AVL9: variants seen among roughly 807,000 people sequenced by gnomAD.
AVL9 encodes the protein late secretory pathway protein AVL9 homolog.
AVL9 carries 49 observed loss-of-function variants against 79.2 expected under a neutral mutation model. That is an observed-to-expected ratio of 0.62 (90% confidence interval 0.49 to 0.79). The LOEUF (loss-of-function observed/expected upper bound fraction) is 0.79, where lower values mean the gene tolerates loss of function less well. Among genes scored for constraint, AVL9 ranks in the 30% least tolerant of loss-of-function variants. The probability of loss-of-function intolerance (pLI) is 0.00; values close to 1 mark genes in which losing one functional copy is unlikely to be tolerated. For synonymous variants in AVL9, 299 were observed against 280.6 expected, an observed-to-expected ratio of 1.07 and a Z score of -0.65; for missense variants, 682 against 776.8, an observed-to-expected ratio of 0.88 and a Z score of 1.45.
chr7:32,523,508 CTTTTTT>C (rs70992725), intron 1 of AVL9, among the ~76,000 whole-genome samples: 1,000 of 79,272 alleles, frequency 0.013, 8 homozygotes, highest in African/African-American at 0.048. Flanking sequence ...TATAAATTTC[CTTTTTT>C]TTTTTTTTTT....
Position 32,584,738 on chromosome 7 carries a change from T to C in AVL9, c.*831T>C, listed in dbSNP as rs554514872. On this transcript the variant is annotated 3_prime_UTR_variant, in exon 16 of 16. Coordinates refer to ENST00000318709, the MANE Select transcript of AVL9 (RefSeq NM_015060.3). ...CAGTCTTACAAGCACTTTTTTTTTA[T>C]TCCAGAGTTTGTGCCATCTGTTTCT... The C allele has an allele frequency of 7.0e-6, 1 of 143,848 alleles. No homozygotes were observed. The highest frequency in any genetic ancestry group is 2.6e-5 in the African/African-American group (1 of 38,782). The allele number at this position is 143,848 out of a possible 1,614,324, so 8.9% of individuals were successfully genotyped here. A position where few individuals can be genotyped will look rare whatever the true frequency, so the allele number is the denominator to read the frequency against.
At chr7:32,534,685 T>C (rs1050128788) in intron 1 of AVL9, 2 of 152,264 alleles carry the variant, frequency 1.3e-5, no homozygotes, top group African/African-American at 4.8e-5. Context: ...GATTTAGGCC[T>C]TTAATCCCAG....
intron 1 of AVL9, among the ~76,000 whole-genome samples, chr7:32,510,127 G>T (rs1787594017): frequency 6.6e-6 from 1 of 151,942 alleles, no homozygotes; most frequent in African/African-American, 2.4e-5. Context: ...GAGCCATCAG[G>T]TCTGGTGGTG....
intron 1 of AVL9, among the ~76,000 whole-genome samples, chr7:32,507,848 C>CT (rs1194121796): frequency 6.6e-6 from 1 of 152,198 alleles, no homozygotes; most frequent in Non-Finnish European, 1.5e-5. Flanking sequence ...AACCAATTAA[C>CT]TTTATCACTG....
intron 1 of AVL9, among the ~76,000 whole-genome samples, chr7:32,541,286 G>T (rs1789195614): frequency 6.6e-6 from 1 of 151,892 alleles, no homozygotes; most frequent in Admixed American, 6.6e-5. Context: ...GAGAATTGGG[G>T]TACATAATGT....
Position 32,575,950 on chromosome 7 carries a change from G to A in AVL9, c.1571-5G>A. On this transcript the variant is annotated splice_polypyrimidine_tract_variant and splice_region_variant and intron_variant, in intron 12 of 15. Coordinates refer to ENST00000318709, the MANE Select transcript of AVL9 (RefSeq NM_015060.3). ...CTCAACTTCTTTCAAACATTTACTT[G>A]ACAGACAATGAAAAGATATTATCGG... is the stretch of plus-strand genomic sequence containing the variant. 1 of 1,586,390 alleles carries A rather than the reference G, an allele frequency of 6.3e-7. No homozygotes were observed.
Position 32,558,885 on chromosome 7 carries a change from ATAT to A in AVL9, c.680-37_680-35del, listed in dbSNP as rs765906445. The A allele has an allele frequency of 8.0e-6, 12 of 1,500,626 alleles. 1 individual carries two copies. Among genetic ancestry groups the A allele is most frequent in the South Asian group, 5.5e-5 (4 of 72,100 alleles). 93.0% of individuals were successfully genotyped at this position (1,500,626 alleles called of 1,614,324 possible). A position where few individuals can be genotyped will look rare whatever the true frequency, so the allele number is the denominator to read the frequency against. ...TAATATATAGCTCTCAGGTTCTTCC[ATAT>A]TATTATAAGCCAAGCTGTTCTTTGA... On this transcript the variant is annotated intron_variant, in intron 9 of 15. Transcript: ENST00000318709.
intron 1 of AVL9, among the ~76,000 whole-genome samples, chr7:32,497,975 C>G (rs1394548450): frequency 6.6e-6 from 1 of 152,062 alleles, no homozygotes; most frequent in African/African-American, 2.4e-5. Context: ...TAAATGTGCG[C>G]TGAGATTGTG....
chr7:32,523,298 C>G (rs1583513601), intron 1 of AVL9, among the ~76,000 whole-genome samples: 1 of 151,370 alleles, frequency 6.6e-6, no homozygotes, highest in Admixed American at 6.6e-5. Flanking sequence ...CAGAGTTTAT[C>G]ATGAGAAAGC....
rs1554347971 is a variant in AVL9, at chr7:32,579,430, A to ATATTATATATTATATATTATATAT, written c.1689-786_1689-785insTATATATTATATATTATATATTAT. Among the ~76,000 whole-genome samples, 2 of 2,406 alleles carry ATATTATATATTATATATTATATAT rather than the reference A, an allele frequency of 8.3e-4. 1 individual carries two copies. Among genetic ancestry groups the ATATTATATATTATATATTATATAT allele is most frequent in the African/African-American group, 2.5e-3 (2 of 802 alleles). The allele number at this position is 2,406 out of a possible 152,430, so 1.6% of individuals were successfully genotyped here. The stretch of plus-strand genomic sequence containing the variant: ...ATATATAATATGTTATATATATAAT[A>ATATTATATATTATATATTATATAT]TATATATTATATATAATATATTATA... On this transcript the variant is annotated intron_variant, in intron 13 of 15. Coordinates refer to ENST00000318709, the MANE Select transcript of AVL9 (RefSeq NM_015060.3).
At chr7:32,503,236 G>C (rs1003090630) in intron 1 of AVL9, among the ~76,000 whole-genome samples, 2 of 151,136 alleles carry the variant, frequency 1.3e-5, no homozygotes, top group Admixed American at 1.3e-4. Context: ...AGCACTTTGG[G>C]AGGCCGAGGC....
chr7:32,543,368 C>T, intron 2 of AVL9, 107 bp downstream of exon 2: 2 of 1,336,362 alleles, frequency 1.5e-6, no homozygotes, highest in East Asian at 2.4e-5. Flanking sequence ...CCTGTTAGAA[C>T]TATTTATAAA....
chr7:32,538,144 C>T (rs1263523440), intron 1 of AVL9: 3 of 152,124 alleles, frequency 2.0e-5, no homozygotes, highest in Admixed American at 6.5e-5. Flanking sequence ...GTTGCGAATT[C>T]GGAGAATATG....
chr7:32,564,023 G>A (rs895840172), intron 10 of AVL9, among the ~76,000 whole-genome samples: 3 of 152,136 alleles, frequency 2.0e-5, no homozygotes, highest in South Asian at 2.1e-4. Context: ...ACCTTTCGGA[G>A]CCCTGACTTT....
chr7:32,510,785 G>A (rs1187978438), intron 1 of AVL9, among the ~76,000 whole-genome samples: 2 of 98,668 alleles, frequency 2.0e-5, no homozygotes, highest in Non-Finnish European at 4.3e-5. Flanking sequence ...GGGTGTAGGA[G>A]TCCACAGTCC....
chr7:32,495,788 A>G lies in AVL9; in HGVS notation c.79A>G (p.Lys27Glu). 2.1e-5 allele frequency: 26 copies of G among 1,258,960 alleles called. No individual in the cohort carries two copies. The highest frequency in any genetic ancestry group is 2.6e-5 in the Non-Finnish European group (26 of 992,164). 78.0% of individuals were successfully genotyped at this position (1,258,960 alleles called of 1,614,324 possible). Residue 27 changes from lysine to glutamate, a missense_variant, in exon 1 of 16, where the codon AAG (lysine) becomes GAG (glutamate). Physicochemically the swap from Lys to Glu is moderately conservative, Grantham distance 56 (BLOSUM62 1). Coordinates refer to ENST00000318709, the MANE Select transcript of AVL9 (RefSeq NM_015060.3). ...LHIVVVGFHH[K>E]KGCQVEFSYP... ...CATCGTGGTGGTCGGATTTCACCAC[A>G]AGAAGGGCTGCCAGGTGAGGAAAGG...
chr7:32,539,517 C>T (rs1334561642), intron 1 of AVL9, among the ~76,000 whole-genome samples: 28 of 152,104 alleles, frequency 1.8e-4, no homozygotes, highest in Non-Finnish European at 1.5e-5. Context: ...GCCCAGTCTC[C>T]GGGAACATAA....
At chr7:32,526,471 A>G (rs1449040633) in intron 1 of AVL9, among the ~76,000 whole-genome samples, 1 of 152,176 alleles carries the variant, frequency 6.6e-6, no homozygotes, top group East Asian at 1.9e-4. Context: ...GGACCTCTCA[A>G]AAATCCTGAG....
At chr7:32,513,953 A>G (rs1787799483) in intron 1 of AVL9, among the ~76,000 whole-genome samples, 1 of 152,218 alleles carries the variant, frequency 6.6e-6, no homozygotes. Context: ...TTAACTTTAC[A>G]TAAACATTTC....
Sources: allele counts gnomAD v4.1 joint callset (sites outside exome capture counted in the v4.1 genomes callset), GRCh38; gene constraint gnomAD v4.1.1; transcripts MANE v1.5; gene names NCBI Gene and HGNC (gene_info 2026-07-23, HGNC 2026-07-21).